Variants in RSPO2 observed in about 807,000 individuals in gnomAD.
The protein encoded by RSPO2 is R-spondin-2.
Under a neutral mutation model 30.9 loss-of-function variants are expected in RSPO2, and 14 were observed. The ratio of observed to expected loss-of-function variants is 0.45; its 90% CI spans 0.30 to 0.71. The LOEUF is 0.71. Among genes scored for constraint, RSPO2 ranks in the 30% least tolerant of loss-of-function variants. RSPO2 has a pLI of 0.08. For synonymous variants in RSPO2, 107 were observed against 96.4 expected, an observed-to-expected ratio of 1.11 and a Z score of -0.64; for missense variants, 264 against 301.9, an observed-to-expected ratio of 0.87 and a Z score of 0.93.
intron 2 of RSPO2, among the ~76,000 whole-genome samples, chr8:108,079,683 C>T (rs1042860344): frequency 4.7e-5 from 7 of 149,784 alleles, no homozygotes; most frequent in African/African-American, 1.5e-4. Flanking sequence ...TTTGATTATT[C>T]GCAGATGGAA....
At chr8:107,982,009 CAAAA>C (rs372977834) in intron 3 of RSPO2, among the ~76,000 whole-genome samples, 52 of 55,384 alleles carry the variant, frequency 9.4e-4, no homozygotes, top group Non-Finnish European at 1.4e-3. Flanking sequence ...ACAACAACAA[CAAAA>C]AAAAAAAAAA....
intron 2 of RSPO2, among the ~76,000 whole-genome samples, chr8:108,051,885 A>G (rs1335211454): frequency 1.3e-5 from 2 of 152,194 alleles, no homozygotes; most frequent in East Asian, 3.9e-4. Context: ...TTGTTTCTTA[A>G]GGGGTTTGGC....
At chr8:107,949,294 T>C (rs1280061437) in intron 5 of RSPO2, among the ~76,000 whole-genome samples, 1 of 152,202 alleles carries the variant, frequency 6.6e-6, no homozygotes, top group Admixed American at 6.5e-5. Flanking sequence ...CTTGGAATAA[T>C]GGTCTCTAAC....
intron 2 of RSPO2, among the ~76,000 whole-genome samples, chr8:108,008,028 T>C (rs561394904): frequency 1.3e-5 from 2 of 152,234 alleles, no homozygotes; most frequent in South Asian, 4.1e-4. Context: ...TTCATACACA[T>C]AGGCATTCAC....
chr8:108,044,540 T>C (rs1180670191), intron 2 of RSPO2, among the ~76,000 whole-genome samples: 1 of 152,172 alleles, frequency 6.6e-6, no homozygotes, highest in Non-Finnish European at 1.5e-5. Flanking sequence ...AAGGACATTA[T>C]TTTATTCCTT....
In RSPO2 at chr8:107,931,026, C is replaced by T. The variant is rs574983564; in HGVS notation, c.616+27054G>A. Among the ~76,000 whole-genome samples the T allele has an allele frequency of 1.1e-4, 16 of 152,190 alleles. No homozygotes were observed. The South Asian group carries it at 3.1e-3, about 30-fold the overall frequency. On this transcript the variant is annotated intron_variant, in intron 5 of 5. Coordinates refer to ENST00000276659, the MANE Select transcript of RSPO2 (RefSeq NM_178565.5). Reference sequence around the variant, plus strand: ...ATACATAAAATCCAGTGTTTTTCTACCCGGGCTGGAAAAATAACATATTTT... The same window carrying T: ...ATACATAAAATCCAGTGTTTTTCTATCCGGGCTGGAAAAATAACATATTTT...
At chr8:107,926,493 T>C (rs925378760) in intron 5 of RSPO2, among the ~76,000 whole-genome samples, 4 of 152,178 alleles carry the variant, frequency 2.6e-5, no homozygotes, top group African/African-American at 9.7e-5. Context: ...ATGTCCAGAA[T>C]AGTATTGCCT....
intron 5 of RSPO2, among the ~76,000 whole-genome samples, chr8:107,925,382 T>G (rs1382763204): frequency 1.3e-5 from 2 of 151,342 alleles, no homozygotes; most frequent in East Asian, 3.9e-4. Flanking sequence ...GATTTGTGTT[T>G]TTTTTCTTTT....
intron 2 of RSPO2, among the ~76,000 whole-genome samples, chr8:108,045,007 A>C (rs1008759991): frequency 4.6e-5 from 7 of 152,208 alleles, no homozygotes; most frequent in Non-Finnish European, 1.0e-4. Flanking sequence ...TGTTCTGGAC[A>C]TCAGCCTTGG....
At chr8:107,919,944 C>CA (rs1374584327) in intron 5 of RSPO2, among the ~76,000 whole-genome samples, 1 of 152,122 alleles carries the variant, frequency 6.6e-6, no homozygotes, top group East Asian at 1.9e-4. Flanking sequence ...TGATGAAGAA[C>CA]ATTTTTCACT....
At position 108,083,449 on chromosome 8, in the gene RSPO2, C is replaced by G. The variant is rs754535922; in HGVS notation, c.-422G>C. On this transcript the variant is annotated 5_prime_UTR_variant, in exon 1 of 6. Coordinates refer to ENST00000276659, the MANE Select transcript of RSPO2 (RefSeq NM_178565.5). ...GCGGTCCCCAGGCAAGGGGTGCGCC[C>G]GCTCACACTCTCTGCCTCCCTAACC... The G allele has an allele frequency of 3.3e-5, 5 of 152,308 alleles. No individual in the cohort carries two copies. Among genetic ancestry groups the G allele is most frequent in the Non-Finnish European group, 5.9e-5 (4 of 68,106 alleles). The allele number at this position is 152,308 out of a possible 1,614,324, so 9.4% of individuals were successfully genotyped here.
At chr8:107,901,338 T>C in intron 5 of RSPO2, 148 bp from the exon 6 acceptor site, 3 of 829,612 alleles carry the variant, frequency 3.6e-6, no homozygotes, top group Admixed American at 6.0e-5. Context: ...TTCACATTAA[T>C]TTTGACAGAA....
chr8:107,949,170 C>G lies in RSPO2; in HGVS notation c.616+8910G>C, dbSNP rs184279332. ...GTCTTTTATCCCTCACCCCCTTCCCCCCAAGTCCCCAAAGTTCATTATTTC... is the reference window on the plus strand; with the variant it reads ...GTCTTTTATCCCTCACCCCCTTCCCGCCAAGTCCCCAAAGTTCATTATTTC... On this transcript the variant is annotated intron_variant, in intron 5 of 5. Coordinates refer to ENST00000276659, the MANE Select transcript of RSPO2 (RefSeq NM_178565.5). 6.8e-3 allele frequency among the ~76,000 whole-genome samples: 1,040 copies of G among 152,156 alleles called. 11 individuals are homozygous for G. The highest frequency in any genetic ancestry group is 0.021 in the Admixed American group (327 of 15,284).
intron 5 of RSPO2, among the ~76,000 whole-genome samples, chr8:107,934,798 C>A (rs932828484): frequency 6.6e-6 from 1 of 152,134 alleles, no homozygotes; most frequent in Non-Finnish European, 1.5e-5. Context: ...ATTTCTTATG[C>A]CTGTCTTTAC....
intron 5 of RSPO2, among the ~76,000 whole-genome samples, chr8:107,925,561 C>A (rs1461360170): frequency 6.6e-6 from 1 of 151,986 alleles, no homozygotes; most frequent in African/African-American, 2.4e-5. Flanking sequence ...CCCCTCCTCC[C>A]ACCCCACATC....
At chr8:108,039,120 CT>C (rs928035832) in intron 2 of RSPO2, among the ~76,000 whole-genome samples, 4 of 152,112 alleles carry the variant, frequency 2.6e-5, no homozygotes, top group Non-Finnish European at 5.9e-5. Flanking sequence ...ATCATTTTTC[CT>C]GACATTTCCA....
chr8:108,059,527 A>G (rs1812377959), intron 2 of RSPO2, among the ~76,000 whole-genome samples: 1 of 151,362 alleles, frequency 6.6e-6, no homozygotes, highest in Non-Finnish European at 1.5e-5. Flanking sequence ...ACTATAAATC[A>G]CGCTGCTATA....
chr8:107,958,045 AC>A (rs757455262), intron 5 of RSPO2, 34 bp downstream of exon 5: 1 of 1,459,176 alleles, frequency 6.9e-7, no homozygotes, highest in Admixed American at 1.9e-5. Flanking sequence ...TTCAGGAAGC[AC>A]ACAGCACACA....
chr8:107,958,015 G>T, intron 5 of RSPO2, 65 bp downstream of exon 5: 10 of 1,060,214 alleles, frequency 9.4e-6, no homozygotes, highest in Non-Finnish European at 1.1e-5. Context: ...GGAAGGGAAG[G>T]TGGTTAGGAA....
Sources: gnomAD v4.1 joint callset for allele counts (sites outside exome capture counted in the v4.1 genomes callset) on GRCh38, gnomAD v4.1.1 for gene constraint, MANE v1.5 for transcripts, NCBI Gene and HGNC (gene_info 2026-07-23, HGNC 2026-07-21) for gene names.